The following IRS1 variants were observed in gnomAD, a reference collection of about 807,000 sequenced individuals.
IRS1 encodes the protein insulin receptor substrate 1.
Under a neutral mutation model 65.6 loss-of-function variants are expected in IRS1, and 34 were observed. The observed-to-expected ratio is 0.52, with a 90% confidence interval of 0.39 to 0.69. IRS1 has a LOEUF of 0.69. Among genes scored for constraint, IRS1 ranks in the 30% least tolerant of loss-of-function variants. The pLI is 0.00. For synonymous variants in IRS1, 699 were observed against 683.5 expected (o/e 1.02, Z -0.35); for missense variants, 1,641 against 1,720.2 (o/e 0.95, Z 0.81).
chr2:226,799,401 G>T lies in IRS1; in HGVS notation c.-663C>A. On this transcript the variant is annotated 5_prime_UTR_variant, in exon 1 of 2. Transcript: ENST00000305123. This position sits in a 1 kb window ranked among gnomAD's most constrained non-coding sequence, Gnocchi z 6.1. ...GCTGCTGCTGCTGCTGCCGCCGCCC[G>T]CGGGCGCGTCCTCTGCAGCCCCCAT... 7.9e-7 allele frequency: 1 copy of T among 1,263,160 alleles called. No homozygotes were observed. 78.2% of individuals were successfully genotyped at this position (1,263,160 alleles called of 1,614,324 possible).
intron 1 of IRS1, among the ~76,000 whole-genome samples, chr2:226,741,918 A>AT (rs1194849653): frequency 3.9e-5 from 6 of 152,088 alleles, no homozygotes; most frequent in Non-Finnish European, 7.4e-5. Context: ...ATACCTCCAT[A>AT]AAATCCCACT....
At chr2:226,766,165 T>TATATATATATATA (rs1559152107) in intron 1 of IRS1, among the ~76,000 whole-genome samples, 1 of 10,092 alleles carries the variant, frequency 9.9e-5, no homozygotes, top group Non-Finnish European at 2.0e-4. Flanking sequence ...ATATATATAT[T>TATATATATATATA]TTTTTTTTTT....
rs749733185 is a variant in IRS1, at chr2:226,796,130, G to T, written c.2609C>A (p.Thr870Asn). 2 of 1,613,696 alleles carry T rather than the reference G, an allele frequency of 1.2e-6. No homozygotes were observed. The highest frequency in any genetic ancestry group is 1.7e-6 in the Non-Finnish European group (2 of 1,180,026). Reference protein sequence around the residue: ...RLSLGDPKASTLPRAREQQQQ... With the variant: ...RLSLGDPKASNLPRAREQQQQ... ...CTGCTGCTCTCGGGCCCGAGGTAAG[G>T]TGCTGGCCTTGGGATCCCCCAGGGA... is the stretch of plus-strand genomic sequence containing the variant. The change falls in exon 1 of 2, where the codon ACC (threonine) becomes AAC (asparagine). Residue 870 changes from threonine to asparagine, a missense_variant. Physicochemically the swap from Thr to Asn is moderately conservative, Grantham distance 65 (BLOSUM62 0). Transcript: ENST00000305123.
At position 226,751,334 on chromosome 2, in the gene IRS1, A is replaced by T. The variant is rs576106880; in HGVS notation, c.*22-15084T>A. Among the ~76,000 whole-genome samples the T allele has an allele frequency of 5.0e-4, 59 of 118,894 alleles. No individual in the cohort carries two copies. In the East Asian group the frequency reaches 0.013, roughly 26 times the overall value. 78.0% of individuals were successfully genotyped at this position (118,894 alleles called of 152,430 possible). A position where few individuals can be genotyped will look rare whatever the true frequency, so the allele number is the denominator to read the frequency against. ...AGTCTCGCTTTGTCGCCCAGGCTGG[A>T]GTGCAGTGGCGCAATCTCGGCTCAC... On this transcript the variant is annotated intron_variant, in intron 1 of 1. Coordinates refer to ENST00000305123, the MANE Select transcript of IRS1 (RefSeq NM_005544.3).
intron 1 of IRS1, among the ~76,000 whole-genome samples, chr2:226,790,313 A>AT (rs1309095108): frequency 1.6e-4 from 24 of 148,960 alleles, no homozygotes; most frequent in Non-Finnish European, 3.6e-4. Context: ...GCACAAAGCT[A>AT]TTTTCCTGGA....
rs936499376 is a variant in IRS1, at chr2:226,753,722, G to T, written c.*22-17472C>A. Among the ~76,000 whole-genome samples the T allele has an allele frequency of 3.9e-5, 6 of 152,202 alleles. No homozygotes were observed. In the South Asian group the frequency reaches 6.2e-4, roughly 16 times the overall value. On this transcript the variant is annotated intron_variant, in intron 1 of 1. Coordinates refer to ENST00000305123, the MANE Select transcript of IRS1 (RefSeq NM_005544.3). ...GAGAAGTAATTTCAGCCAAATCAAAGATAATGGACTCTGAAGTCTTTGTGA... is the reference window on the plus strand; with the variant it reads ...GAGAAGTAATTTCAGCCAAATCAAATATAATGGACTCTGAAGTCTTTGTGA...
chr2:226,748,416 G>A (rs547898328), intron 1 of IRS1, among the ~76,000 whole-genome samples: 4 of 128,204 alleles, frequency 3.1e-5, no homozygotes, highest in South Asian at 5.3e-4. Context: ...GAAACAGAGC[G>A]AGACTCTGTC....
In IRS1 at chr2:226,797,300, T is replaced by C; in HGVS notation, c.1439A>G (p.Asn480Ser). Residue 480 changes from asparagine (N) to serine (S), a missense_variant, in exon 1 of 2, where the codon AAC (asparagine) becomes AGC (serine). Transcript: ENST00000305123. The surrounding 1 kb of genome is among the most constrained non-coding windows in gnomAD (Gnocchi z 8.1). ...ACCCCGAGACAAAATGTAGTGACCGTTGGGGGCGGTCAGGGTGGAGGGCCC... is the reference window on the plus strand; with the variant it reads ...ACCCCGAGACAAAATGTAGTGACCGCTGGGGGCGGTCAGGGTGGAGGGCCC... ...GKGPSTLTAPNGHYILSRGGN... is the reference protein window; with the variant it reads ...GKGPSTLTAPSGHYILSRGGN... 1 of 1,613,386 alleles carries C rather than the reference T, an allele frequency of 6.2e-7. No homozygotes were observed. Among genetic ancestry groups the C allele is most frequent in the South Asian group, 1.1e-5 (1 of 91,064 alleles).
rs758786699 is a variant in IRS1 at position 226,797,243 on chromosome 2, C to G, written c.1496G>C (p.Gly499Ala). 2 of 1,613,596 alleles carry G rather than the reference C, an allele frequency of 1.2e-6. No homozygotes were observed. Among genetic ancestry groups the G allele is most frequent in the Non-Finnish European group, 1.7e-6 (2 of 1,179,966 alleles). ...AGCCAAGGCTGGACTCGTGCCCAAG[C>G]CTGTTCCTGGGGTGCAGCGGTGGCC... ...GNGHRCTPGT[G>A]LGTSPALAGD... The change falls in exon 1 of 2, where the codon GGC becomes GCC. Residue 499 changes from glycine (G) to alanine (A), a missense_variant. Coordinates refer to ENST00000305123, the MANE Select transcript of IRS1 (RefSeq NM_005544.3). This position sits in a 1 kb window ranked among gnomAD's most constrained non-coding sequence, Gnocchi z 8.1.
chr2:226,775,089 T>TA (rs903896252), intron 1 of IRS1, among the ~76,000 whole-genome samples: 1 of 151,926 alleles, frequency 6.6e-6, no homozygotes, highest in Non-Finnish European at 1.5e-5. Context: ...TGTATGCAAA[T>TA]AAAAAAATAC....
chr2:226,784,177 G>A (rs939845400), intron 1 of IRS1, among the ~76,000 whole-genome samples: 1 of 152,022 alleles, frequency 6.6e-6, no homozygotes, highest in Non-Finnish European at 1.5e-5. Context: ...ATTTGGTTGT[G>A]GTTTGTTACA....
chr2:226,797,648 CG>C lies in IRS1; in HGVS notation c.1090del (p.Arg364GlyfsTer99). ...THAHRHRGSA[R>X]LHPPLNHSRS... ...GCTGTGGTTGAGCGGGGGGTGCAGC[CG>C]GGCGCTGCCCCGATGCCGGTGGGCG... is the stretch of plus-strand genomic sequence containing the variant. On this transcript the variant is annotated frameshift_variant, in exon 1 of 2. Coordinates refer to ENST00000305123, the MANE Select transcript of IRS1 (RefSeq NM_005544.3). LOFTEE classifies it high-confidence loss of function. This position sits in a 1 kb window ranked among gnomAD's most constrained non-coding sequence, Gnocchi z 8.1. 1.3e-6 allele frequency: 2 copies of C among 1,591,748 alleles called. No homozygotes were observed. The highest frequency in any genetic ancestry group is 1.7e-6 in the Non-Finnish European group (2 of 1,175,392).
rs1382390231 is a variant in IRS1, at chr2:226,799,553, G to C, written c.-815C>G. On this transcript the variant is annotated 5_prime_UTR_variant, in exon 1 of 2. Transcript: ENST00000305123. The surrounding 1 kb of genome is among the most constrained non-coding windows in gnomAD (Gnocchi z 6.1). ...GCCCCTCGCTCCAGGCGGCTGGGGA[G>C]GAGGGGAGGGGACAAGGGCGAGAGG... The C allele has an allele frequency of 6.5e-6, 7 of 1,071,408 alleles. No individual in the cohort carries two copies. In the African/African-American group the frequency reaches 1.0e-4, roughly 16 times the overall value. 66.4% of individuals were successfully genotyped at this position (1,071,408 alleles called of 1,614,324 possible). A position where few individuals can be genotyped will look rare whatever the true frequency, so the allele number is the denominator to read the frequency against.
At chr2:226,742,301 T>C (rs1046515885) in intron 1 of IRS1, among the ~76,000 whole-genome samples, 1 of 152,046 alleles carries the variant, frequency 6.6e-6, no homozygotes, top group African/African-American at 2.4e-5. Flanking sequence ...TGAGCTAAAG[T>C]TAGAGGTAAG....
chr2:226,763,131 G>A (rs1279579682), intron 1 of IRS1, among the ~76,000 whole-genome samples: 1 of 152,100 alleles, frequency 6.6e-6, no homozygotes, highest in Non-Finnish European at 1.5e-5. Flanking sequence ...GGCAAGAAAG[G>A]GAAGACTGTT....
At chr2:226,745,041 G>A (rs1429846199) in intron 1 of IRS1, among the ~76,000 whole-genome samples, 1 of 152,116 alleles carries the variant, frequency 6.6e-6, no homozygotes, top group African/African-American at 2.4e-5. Flanking sequence ...TATTTCAAAT[G>A]TATTTGACCC....
chr2:226,753,701 A>T (rs1222119729), intron 1 of IRS1, among the ~76,000 whole-genome samples: 1 of 152,238 alleles, frequency 6.6e-6, no homozygotes, highest in Admixed American at 6.5e-5. Flanking sequence ...ATTAAGGAGA[A>T]GTAATTTCAG....
At chr2:226,781,076 T>C (rs1939372259) in intron 1 of IRS1, among the ~76,000 whole-genome samples, 1 of 152,124 alleles carries the variant, frequency 6.6e-6, no homozygotes, top group African/African-American at 2.4e-5. Context: ...CAAGGACAGG[T>C]GGTGTTACTG....
chr2:226,746,307 G>A (rs1384654383), intron 1 of IRS1, among the ~76,000 whole-genome samples: 1 of 152,122 alleles, frequency 6.6e-6, no homozygotes, highest in Admixed American at 6.6e-5. Flanking sequence ...GTGGGGGCAG[G>A]GAATTGGGTG....
Sources: allele counts gnomAD v4.1 joint callset (sites outside exome capture counted in the v4.1 genomes callset), GRCh38; gene constraint gnomAD v4.1.1; non-coding constraint Gnocchi (gnomAD v3.1); transcripts MANE v1.5; gene names NCBI Gene and HGNC (gene_info 2026-07-23, HGNC 2026-07-21).